Variants in PARP15 observed in about 807,000 individuals in gnomAD.
PARP15 encodes the protein poly(ADP-ribose) polymerase family member 15, also known as protein mono-ADP-ribosyltransferase PARP15.
PARP15 carries 50 observed loss-of-function variants against 62.1 expected under a neutral mutation model. The ratio of observed to expected loss-of-function variants is 0.81; its 90% CI spans 0.64 to 1.02. The LOEUF (loss-of-function observed/expected upper bound fraction) is 1.02. PARP15 is among the 50% of genes least tolerant of loss of function. PARP15 has a pLI of 0.00. For missense variants in PARP15, 820 were observed against 826.5 expected, an observed-to-expected ratio of 0.99 and a Z score of 0.10; for synonymous variants, 309 against 293.1, an observed-to-expected ratio of 1.05 and a Z score of -0.55.
chr3:122,606,351 A>G (rs1935161067), intron 2 of PARP15, among the ~76,000 whole-genome samples: 1 of 152,132 alleles, frequency 6.6e-6, no homozygotes, highest in South Asian at 2.1e-4. Flanking sequence ...ACCCAGTTCT[A>G]TTTTTCTCTC....
intron 1 of PARP15, chr3:122,594,745 A>G (rs1311207895): frequency 2.0e-6 from 2 of 977,020 alleles, no homozygotes; most frequent in African/African-American, 3.5e-5. Flanking sequence ...TTTTACTTCT[A>G]GATGTCAACA....
At chr3:122,609,123 C>G (rs1358737162) in intron 2 of PARP15, among the ~76,000 whole-genome samples, 4 of 152,058 alleles carry the variant, frequency 2.6e-5, no homozygotes, top group African/African-American at 9.7e-5. Context: ...AGTGAAACTG[C>G]AAGTGGGAGT....
chr3:122,585,127 G>A (rs1230319938), intron 1 of PARP15, among the ~76,000 whole-genome samples: 10 of 152,072 alleles, frequency 6.6e-5, no homozygotes, highest in African/African-American at 2.2e-4. Context: ...GGGTCTATTT[G>A]CTTGTGTAAT....
rs553117150 is a variant in PARP15, at chr3:122,603,460, C to T, written c.187-2476C>T. ...GTCACCAGATTGAATATGAAGCCAG[C>T]AGTATGGGAGGACATAAAAAACAGT... is the stretch of plus-strand genomic sequence containing the variant. On this transcript the variant is annotated intron_variant, in intron 1 of 11. Transcript: ENST00000464300. Among the ~76,000 whole-genome samples the T allele has an allele frequency of 8.6e-5, 13 of 150,400 alleles. No individual in the cohort carries two copies. In the South Asian group the frequency reaches 2.7e-3, roughly 31 times the overall value.
intron 1 of PARP15, among the ~76,000 whole-genome samples, chr3:122,589,887 ACT>A (rs66466466): frequency 0.096 from 12,462 of 129,686 alleles, 515 homozygotes; most frequent in Admixed American, 0.14. Flanking sequence ...GTAAGGCATA[ACT>A]TTTTTTTTTT....
At chr3:122,621,080 G>T in intron 7 of PARP15, among the ~76,000 whole-genome samples, 1 of 152,180 alleles carries the variant, frequency 6.6e-6, no homozygotes, top group Non-Finnish European at 1.5e-5. Flanking sequence ...GAGACTGGCT[G>T]CTTGGGTTCG....
rs2107620083 is a variant in PARP15 at position 122,638,487 on chromosome 3, C to G, written c.*2387C>G. 1 of 152,276 alleles carries G rather than the reference C, an allele frequency of 6.6e-6. No individual in the cohort carries two copies. The highest frequency in any genetic ancestry group is 2.1e-4 in the South Asian group (1 of 4,830). The allele number at this position is 152,276 out of a possible 1,614,324, so 9.4% of individuals were successfully genotyped here. On this transcript the variant is annotated 3_prime_UTR_variant, in exon 12 of 12. Coordinates refer to ENST00000464300, the MANE Select transcript of PARP15 (RefSeq NM_001113523.3). ...TTGCTTCCTAACTTTTTAATGATTG[C>G]CATTCTAACGGGTGTGGGATGGTAT...
chr3:122,638,961 A>G lies in PARP15; in HGVS notation c.*2861A>G, dbSNP rs1211526486. On this transcript the variant is annotated 3_prime_UTR_variant, in exon 12 of 12. Transcript: ENST00000464300. ...GAATTATAAAGTTTTTAAAAATGTA[A>G]TCATCATTATTTATAGTTTAATAAT... is the stretch of plus-strand genomic sequence containing the variant. 9 of 152,164 alleles carry G rather than the reference A, an allele frequency of 5.9e-5. No homozygotes were observed. The highest frequency in any genetic ancestry group is 5.9e-4 in the Admixed American group (9 of 15,270). 9.4% of individuals were successfully genotyped at this position (152,164 alleles called of 1,614,324 possible).
chr3:122,586,556 A>G (rs1933446160), intron 1 of PARP15, among the ~76,000 whole-genome samples: 1 of 152,184 alleles, frequency 6.6e-6, no homozygotes, highest in Non-Finnish European at 1.5e-5. Flanking sequence ...TAGAATTGCT[A>G]TTGTGGTTCT....
At chr3:122,634,007 A>G (rs1225674499) in intron 10 of PARP15, among the ~76,000 whole-genome samples, 1 of 152,036 alleles carries the variant, frequency 6.6e-6, no homozygotes, top group Non-Finnish European at 1.5e-5. Flanking sequence ...ACCCCCTCAC[A>G]CATTCCCCAT....
intron 9 of PARP15, among the ~76,000 whole-genome samples, chr3:122,629,853 G>T (rs1210250751): frequency 6.6e-6 from 1 of 152,138 alleles, no homozygotes; most frequent in Non-Finnish European, 1.5e-5. Context: ...TAGGGTTTGA[G>T]CTCCTATGAG....
intron 8 of PARP15, among the ~76,000 whole-genome samples, chr3:122,626,242 A>G (rs150039731): frequency 0.17 from 22,074 of 132,026 alleles, 2,042 homozygotes; most frequent in Middle Eastern, 0.26. Flanking sequence ...TCTGTCGCCC[A>G]GGCTGGAGTG....
rs567994036 is a variant in PARP15 at position 122,585,308 on chromosome 3, C to A, written c.186+7455C>A. On this transcript the variant is annotated intron_variant, in intron 1 of 11. Coordinates refer to ENST00000464300, the MANE Select transcript of PARP15 (RefSeq NM_001113523.3). ...GCTGCAGAGAGTAGTGTTTGCACTT[C>A]TGCACTCTGGCCTGGGTGACAGAGG... Among the ~76,000 whole-genome samples, 6 of 152,296 alleles carry A rather than the reference C, an allele frequency of 3.9e-5. No homozygotes were observed. In the South Asian group the frequency reaches 1.2e-3, roughly 32 times the overall value.
At chr3:122,605,555 A>C (rs1182422502) in intron 1 of PARP15, among the ~76,000 whole-genome samples, 1 of 152,156 alleles carries the variant, frequency 6.6e-6, no homozygotes, top group Non-Finnish European at 1.5e-5. Flanking sequence ...AACACCTATA[A>C]GGAAAGTTTA....
chr3:122,623,089 T>C (rs1936453919), intron 8 of PARP15, among the ~76,000 whole-genome samples: 1 of 152,322 alleles, frequency 6.6e-6, no homozygotes, highest in African/African-American at 2.4e-5. Flanking sequence ...CCTTTTGTTA[T>C]AACCTTTTGC....
intron 8 of PARP15, among the ~76,000 whole-genome samples, chr3:122,624,643 A>G (rs1487188949): frequency 6.6e-6 from 1 of 152,166 alleles, no homozygotes; most frequent in Non-Finnish European, 1.5e-5. Context: ...TTTAACCATC[A>G]TGAATTAAGA....
At chr3:122,578,671 T>C (rs2080736111) in intron 1 of PARP15, among the ~76,000 whole-genome samples, 1 of 152,192 alleles carries the variant, frequency 6.6e-6, no homozygotes, top group South Asian at 2.1e-4. Flanking sequence ...TCCTTGTCAC[T>C]ATTTTCCTAG....
chr3:122,603,153 G>T (rs1251136277), intron 1 of PARP15, among the ~76,000 whole-genome samples: 2 of 152,120 alleles, frequency 1.3e-5, no homozygotes, highest in Non-Finnish European at 2.9e-5. Context: ...AAGGGGAAAA[G>T]TCCCTGAAAA....
chr3:122,638,040 A>T lies in PARP15; in HGVS notation c.*1940A>T, dbSNP rs1937458358. The T allele has an allele frequency of 6.6e-6, 1 of 152,126 alleles. No homozygotes were observed. Among genetic ancestry groups the T allele is most frequent in the Non-Finnish European group, 1.5e-5 (1 of 68,038 alleles). The allele number at this position is 152,126 out of a possible 1,614,324, so 9.4% of individuals were successfully genotyped here. A position where few individuals can be genotyped will look rare whatever the true frequency, so the allele number is the denominator to read the frequency against. On this transcript the variant is annotated 3_prime_UTR_variant, in exon 12 of 12. Coordinates refer to ENST00000464300, the MANE Select transcript of PARP15 (RefSeq NM_001113523.3). ...GTTCAATTCCCACCTGTGAGTGAGA[A>T]CATGTGGTGTTTGGTTTTTTGTCCT... is the stretch of plus-strand genomic sequence containing the variant.
Sources: allele counts gnomAD v4.1 joint callset (sites outside exome capture counted in the v4.1 genomes callset), GRCh38; gene constraint gnomAD v4.1.1; transcripts MANE v1.5; gene names NCBI Gene and HGNC (gene_info 2026-07-23, HGNC 2026-07-21).